Variants in DENND5B observed in about 807,000 individuals in gnomAD.
DENND5B encodes the protein DENN domain-containing protein 5B.
In DENND5B, 34 loss-of-function variants were observed where a neutral mutation model predicts 140.6. That is an observed-to-expected ratio of 0.24 (90% CI 0.18 to 0.32). The LOEUF (loss-of-function observed/expected upper bound fraction) is 0.32, where lower values mean the gene tolerates loss of function less well. Among genes scored for constraint, DENND5B ranks in the 10% least tolerant of loss-of-function variants. The pLI is 1.00. For synonymous variants in DENND5B, 551 were observed against 562.1 expected (o/e 0.98, Z 0.28); for missense variants, 1,142 against 1,560.2 (o/e 0.73, Z 4.52).
intron 1 of DENND5B, among the ~76,000 whole-genome samples, chr12:31,551,155 G>A (rs989714840): frequency 6.6e-6 from 1 of 152,002 alleles, no homozygotes; most frequent in African/African-American, 2.4e-5. Flanking sequence ...TGTCCTGAAT[G>A]GTATTGCCTA....
chr12:31,533,535 C>T (rs1431102442), intron 1 of DENND5B, among the ~76,000 whole-genome samples: 1 of 152,122 alleles, frequency 6.6e-6, no homozygotes, highest in African/African-American at 2.4e-5. Context: ...TATCACTTTG[C>T]TTTGTAAGGT....
intron 1 of DENND5B, among the ~76,000 whole-genome samples, chr12:31,583,020 G>A (rs1485555288): frequency 2.0e-5 from 3 of 152,120 alleles, no homozygotes; most frequent in Admixed American, 1.3e-4. Flanking sequence ...CAGGCCAGGC[G>A]TGGTGGCTCA....
chr12:31,489,484 TAAGAA>T (rs1331060040), intron 2 of DENND5B, among the ~76,000 whole-genome samples: 1 of 152,162 alleles, frequency 6.6e-6, no homozygotes, highest in East Asian at 1.9e-4. Context: ...CGAGATATCA[TAAGAA>T]AAGACAGAGT....
intron 2 of DENND5B, among the ~76,000 whole-genome samples, chr12:31,483,701 G>A (rs1946170954): frequency 6.6e-6 from 1 of 151,728 alleles, no homozygotes; most frequent in African/African-American, 2.4e-5. Context: ...TCCTCTCAAA[G>A]TGCTGGGATT....
At chr12:31,551,726 T>C (rs1297916845) in intron 1 of DENND5B, among the ~76,000 whole-genome samples, 16 of 152,154 alleles carry the variant, frequency 1.1e-4, no homozygotes, top group East Asian at 9.6e-4. Flanking sequence ...TGTTTGTATC[T>C]TCTTTTATTT....
chr12:31,423,900 A>T (rs1401511157), intron 10 of DENND5B, among the ~76,000 whole-genome samples: 1 of 152,226 alleles, frequency 6.6e-6, no homozygotes, highest in East Asian at 1.9e-4. Flanking sequence ...GCAGCTAAGC[A>T]AAGGGCCAGC....
intron 1 of DENND5B, among the ~76,000 whole-genome samples, chr12:31,574,258 G>A (rs894559195): frequency 3.0e-5 from 2 of 65,956 alleles, no homozygotes; most frequent in Non-Finnish European, 5.6e-5. Flanking sequence ...ATGAGACCCT[G>A]TCTCTAAAAA....
Position 31,386,428 on chromosome 12 carries a change from G to A in DENND5B, c.*1175C>T, listed in dbSNP as rs1024339689. On this transcript the variant is annotated 3_prime_UTR_variant, in exon 21 of 21. Coordinates refer to ENST00000389082, the MANE Select transcript of DENND5B (RefSeq NM_144973.4). The stretch of plus-strand genomic sequence containing the variant: ...TCCATTTTGTCAGCCTGTGCTGCCA[G>A]TGGCTTTTAGCTTCTCTGGGTCAGT... 2 of 152,498 alleles carry A rather than the reference G, an allele frequency of 1.3e-5. No individual in the cohort carries two copies. Among genetic ancestry groups the A allele is most frequent in the Non-Finnish European group, 2.9e-5 (2 of 68,204 alleles). The allele number at this position is 152,498 out of a possible 1,614,324, so 9.4% of individuals were successfully genotyped here. A position where few individuals can be genotyped will look rare whatever the true frequency, so the allele number is the denominator to read the frequency against.
intron 1 of DENND5B, among the ~76,000 whole-genome samples, chr12:31,580,376 A>G: frequency 6.6e-6 from 1 of 152,208 alleles, no homozygotes; most frequent in Non-Finnish European, 1.5e-5. Context: ...AGCCCTTCAC[A>G]AAGCTGTTAG....
chr12:31,512,194 C>A (rs979111519), intron 1 of DENND5B, among the ~76,000 whole-genome samples: 5 of 151,632 alleles, frequency 3.3e-5, no homozygotes, highest in African/African-American at 1.2e-4. Flanking sequence ...GGATTACAGG[C>A]GTGAGTCACC....
rs529350957 is a variant in DENND5B, at chr12:31,504,006, T to A, written c.128-8087A>T. Among the ~76,000 whole-genome samples, 57 of 152,318 alleles carry A rather than the reference T, an allele frequency of 3.7e-4. 1 individual carries two copies. The South Asian group carries it at 0.012, about 31-fold the overall frequency. ...AACTACACATAAGCAAAAATCATTT[T>A]AATAGATTTACATATTCAAATATTT... On this transcript the variant is annotated intron_variant, in intron 1 of 20. Coordinates refer to ENST00000389082, the MANE Select transcript of DENND5B (RefSeq NM_144973.4).
Position 31,553,781 on chromosome 12 carries a change from CTCT to C in DENND5B, c.127+36922_127+36924del, listed in dbSNP as rs980540149. Among the ~76,000 whole-genome samples, 84 of 152,130 alleles carry C rather than the reference CTCT, an allele frequency of 5.5e-4. 1 individual carries two copies. The highest frequency in any genetic ancestry group is 2.0e-3 in the African/African-American group (81 of 41,418). ...GTGCATATATATTTAGGATAGTTAA[CTCT>C]TCTTGTTGAATTGATCCCTTTACCA... On this transcript the variant is annotated intron_variant, in intron 1 of 20. Transcript: ENST00000389082.
chr12:31,471,347 C>T (rs897876382), intron 3 of DENND5B, among the ~76,000 whole-genome samples: 1 of 152,010 alleles, frequency 6.6e-6, no homozygotes, highest in African/African-American at 2.4e-5. Context: ...AGGAGTCTCG[C>T]TCTGTCACCT....
intron 3 of DENND5B, among the ~76,000 whole-genome samples, chr12:31,477,097 G>A (rs1945850373): frequency 6.6e-6 from 1 of 151,846 alleles, no homozygotes; most frequent in African/African-American, 2.4e-5. Context: ...GTGTGGTGGT[G>A]CGCACCCATA....
intron 15 of DENND5B, among the ~76,000 whole-genome samples, chr12:31,400,945 C>T (rs1414996096): frequency 1.3e-5 from 2 of 151,520 alleles, no homozygotes; most frequent in Admixed American, 6.6e-5. Context: ...CGGATTCAAG[C>T]GATTCTCCTG....
At position 31,386,705 on chromosome 12, in the gene DENND5B, G is replaced by A. The variant is rs963989841; in HGVS notation, c.*898C>T. On this transcript the variant is annotated 3_prime_UTR_variant, in exon 21 of 21. Transcript: ENST00000389082. ...AGACAGGGCTCATGGTTATCCTTAA[G>A]AGGTAGACCACTGCACAGTTTAGAT... 4.6e-5 allele frequency: 7 copies of A among 152,214 alleles called. No homozygotes were observed. The highest frequency in any genetic ancestry group is 1.7e-4 in the African/African-American group (7 of 41,454). 9.4% of individuals were successfully genotyped at this position (152,214 alleles called of 1,614,324 possible). A position where few individuals can be genotyped will look rare whatever the true frequency, so the allele number is the denominator to read the frequency against.
At chr12:31,505,825 TA>T (rs1222993378) in intron 1 of DENND5B, among the ~76,000 whole-genome samples, 1 of 152,120 alleles carries the variant, frequency 6.6e-6, no homozygotes, top group Non-Finnish European at 1.5e-5. Flanking sequence ...TTATTTTAAT[TA>T]ATTAATTAAT....
intron 10 of DENND5B, 90 bp from the exon 11 acceptor site, chr12:31,423,765 T>G: frequency 7.4e-7 from 1 of 1,355,782 alleles, no homozygotes; most frequent in South Asian, 1.2e-5. Flanking sequence ...CAATAGCCAT[T>G]TAGAAGTCTG....
Position 31,392,305 on chromosome 12 carries a change from C to G in DENND5B, c.3428G>C (p.Arg1143Pro). 1 of 1,613,742 alleles carries G rather than the reference C, an allele frequency of 6.2e-7. No individual in the cohort carries two copies. The highest frequency in any genetic ancestry group is 8.5e-7 in the Non-Finnish European group (1 of 1,179,814). The change falls in exon 19 of 21, where the codon CGC (arginine) becomes CCC (proline). Residue 1143 changes from arginine to proline, a missense_variant. Transcript: ENST00000389082. ...GATGAAGACATTCTTGTGAAAGATG[C>G]GGGCAGATTTGAACCCATGGTGGAA... ...QVFHHGFKSA[R>P]IFHKNVFIWD...
Sources: allele counts gnomAD v4.1 joint callset (sites outside exome capture counted in the v4.1 genomes callset), GRCh38; gene constraint gnomAD v4.1.1; transcripts MANE v1.5; gene names NCBI Gene and HGNC (gene_info 2026-07-23, HGNC 2026-07-21).